Variants in CABCOCO1 observed in about 807,000 individuals in gnomAD.
CABCOCO1 encodes ciliary associated calcium binding coiled-coil 1, also known as ciliary-associated calcium-binding coiled-coil protein 1.
Under a neutral mutation model 35.7 loss-of-function variants are expected in CABCOCO1, and 28 were observed. The observed-to-expected ratio is 0.78, with a 90% CI of 0.58 to 1.07. CABCOCO1 has a LOEUF of 1.07. Among genes scored for constraint, CABCOCO1 ranks in the 50% least tolerant of loss-of-function variants. CABCOCO1 has a pLI of 0.00. For synonymous variants in CABCOCO1, 95 were observed against 100.1 expected (o/e 0.95, Z 0.30); for missense variants, 326 against 309.2 (o/e 1.05, Z -0.41).
At chr10:61,745,573 C>T (rs1021672447) in intron 5 of CABCOCO1, among the ~76,000 whole-genome samples, 3 of 152,168 alleles carry the variant, frequency 2.0e-5, no homozygotes, top group African/African-American at 7.2e-5. Flanking sequence ...TGTATCCCTG[C>T]CTTCTTACTC....
At chr10:61,692,317 C>T (rs541064386) in intron 5 of CABCOCO1, among the ~76,000 whole-genome samples, 5 of 152,248 alleles carry the variant, frequency 3.3e-5, no homozygotes, top group African/African-American at 1.2e-4. Context: ...TGTTCATATC[C>T]TTCACCCGCT....
At chr10:61,670,360 T>G in intron 1 of CABCOCO1, among the ~76,000 whole-genome samples, 1 of 152,176 alleles carries the variant, frequency 6.6e-6, no homozygotes, top group South Asian at 2.1e-4. Flanking sequence ...CTAAAATACT[T>G]TTTTCTTAAT....
intron 2 of CABCOCO1, among the ~76,000 whole-genome samples, chr10:61,679,281 TTATATCTATATCTATATC>T (rs750117600): frequency 4.1e-4 from 58 of 141,034 alleles, no homozygotes; most frequent in African/African-American, 1.5e-3. Context: ...TAGAATGAGC[TTATATCTATATCTATATC>T]TATATCTATA....
chr10:61,746,663 G>T (rs1158256130), intron 5 of CABCOCO1, among the ~76,000 whole-genome samples: 1 of 152,090 alleles, frequency 6.6e-6, no homozygotes, highest in Non-Finnish European at 1.5e-5. Context: ...TAATGGCTCT[G>T]TCTGATTCTG....
chr10:61,678,543 C>CATAT (rs71018990), intron 2 of CABCOCO1, among the ~76,000 whole-genome samples: 9 of 150,218 alleles, frequency 6.0e-5, no homozygotes, highest in African/African-American at 9.8e-5. Context: ...ACAATGTTCA[C>CATAT]ATATATATAT....
intron 5 of CABCOCO1, among the ~76,000 whole-genome samples, chr10:61,749,607 C>T (rs10509159): frequency 0.05 from 7,673 of 152,246 alleles, 701 homozygotes; most frequent in African/African-American, 0.18. Flanking sequence ...GCTTTCACAA[C>T]TCTAGTATAC....
chr10:61,739,683 G>A (rs1482122388), intron 5 of CABCOCO1, among the ~76,000 whole-genome samples: 1 of 152,158 alleles, frequency 6.6e-6, no homozygotes, highest in African/African-American at 2.4e-5. Context: ...TGGGTGCAGT[G>A]GCTCATGCCT....
intron 5 of CABCOCO1, among the ~76,000 whole-genome samples, chr10:61,699,653 GA>G (rs201638348): frequency 2.2e-4 from 32 of 146,976 alleles, no homozygotes; most frequent in East Asian, 7.9e-4. Flanking sequence ...TTTTCTTACA[GA>G]AAAAAAAAAG....
chr10:61,677,797 T>C (rs1839564576), intron 2 of CABCOCO1, among the ~76,000 whole-genome samples: 1 of 148,010 alleles, frequency 6.8e-6, no homozygotes, highest in African/African-American at 2.5e-5. Context: ...CATGCGGTGT[T>C]TGGTTTTTTG....
chr10:61,672,998 A>C (rs989268600), intron 2 of CABCOCO1, among the ~76,000 whole-genome samples: 2 of 152,216 alleles, frequency 1.3e-5, no homozygotes, highest in Non-Finnish European at 2.9e-5. Flanking sequence ...AAAGCAGGCT[A>C]TAGCATATGC....
intron 5 of CABCOCO1, among the ~76,000 whole-genome samples, chr10:61,721,461 G>C (rs1208611689): frequency 6.6e-6 from 1 of 152,050 alleles, no homozygotes; most frequent in Admixed American, 6.6e-5. Context: ...TTGATATTTG[G>C]GAGTAATTTT....
intron 5 of CABCOCO1, among the ~76,000 whole-genome samples, chr10:61,726,896 GAA>G (rs947127512): frequency 5.8e-4 from 51 of 88,648 alleles, no homozygotes; most frequent in African/African-American, 9.9e-4. Context: ...CGTCTCTACA[GAA>G]AAAAAAAAAA....
At chr10:61,712,222 T>C (rs190951442) in intron 5 of CABCOCO1, among the ~76,000 whole-genome samples, 302 of 152,366 alleles carry the variant, frequency 2.0e-3, no homozygotes, top group Non-Finnish European at 3.6e-3. Context: ...AGATGGTTTC[T>C]CATCGTGGTT....
At chr10:61,731,108 T>C (rs1841292088) in intron 5 of CABCOCO1, among the ~76,000 whole-genome samples, 1 of 150,714 alleles carries the variant, frequency 6.6e-6, no homozygotes, top group African/African-American at 2.4e-5. Flanking sequence ...TTAATTTTAA[T>C]AGCTGTTTTC....
chr10:61,766,100 C>T lies in CABCOCO1; in HGVS notation c.*87C>T. On this transcript the variant is annotated 3_prime_UTR_variant, in exon 8 of 8. Transcript: ENST00000648843. ...ACAGACTCTCTGGAGCGTCGTGTCT[C>T]CATCACTTAGTTGTGAAAGGAAAAC... The T allele has an allele frequency of 1.7e-6, 2 of 1,206,874 alleles. No homozygotes were observed. The highest frequency in any genetic ancestry group is 2.3e-6 in the Non-Finnish European group (2 of 851,368). The allele number at this position is 1,206,874 out of a possible 1,614,324, so 74.8% of individuals were successfully genotyped here.
At chr10:61,718,012 T>A (rs925117547) in intron 5 of CABCOCO1, among the ~76,000 whole-genome samples, 3 of 152,136 alleles carry the variant, frequency 2.0e-5, no homozygotes, top group South Asian at 2.1e-4. Context: ...TATGACAAGC[T>A]CTGAATGGAT....
chr10:61,706,760 G>T (rs563596127), intron 5 of CABCOCO1, among the ~76,000 whole-genome samples: 1 of 152,190 alleles, frequency 6.6e-6, no homozygotes, highest in Non-Finnish European at 1.5e-5. Context: ...CTTGAGGCTG[G>T]GGAGGTTTCA....
intron 5 of CABCOCO1, among the ~76,000 whole-genome samples, chr10:61,717,174 T>C (rs1404769834): frequency 6.6e-6 from 1 of 152,046 alleles, no homozygotes; most frequent in East Asian, 1.9e-4. Flanking sequence ...AATTATCCTA[T>C]AGACCTGAAG....
chr10:61,714,242 G>A lies in CABCOCO1; in HGVS notation c.552+23621G>A, dbSNP rs1359417173. ...CTTCTTCCTGGTTTAGTCTTGGGAG[G>A]GTCTATGTGTCCAGGAATATATCCA... On this transcript the variant is annotated intron_variant, in intron 5 of 7. Coordinates refer to ENST00000648843, the MANE Select transcript of CABCOCO1 (RefSeq NM_001366906.2). Among the ~76,000 whole-genome samples, 3 of 151,938 alleles carry A rather than the reference G, an allele frequency of 2.0e-5. No homozygotes were observed. The East Asian group carries it at 5.8e-4, about 29-fold the overall frequency.
Sources: allele counts gnomAD v4.1 joint callset (sites outside exome capture counted in the v4.1 genomes callset), GRCh38; gene constraint gnomAD v4.1.1; transcripts MANE v1.5; gene names NCBI Gene and HGNC (gene_info 2026-07-23, HGNC 2026-07-21).